The following SIK3 variants were observed in gnomAD, a reference collection of about 807,000 sequenced individuals.
SIK3 encodes the protein serine/threonine-protein kinase SIK3.
In SIK3, 28 loss-of-function variants were observed where a neutral mutation model predicts 144.2. The ratio of observed to expected loss-of-function variants is 0.19; its 90% CI spans 0.14 to 0.27. The LOEUF is 0.27. SIK3 is among the 10% of genes least tolerant of loss of function. The pLI is 1.00. For synonymous variants in SIK3, 686 were observed against 676.3 expected, an observed-to-expected ratio of 1.01 and a Z score of -0.22; for missense variants, 1,319 against 1,776.0, an observed-to-expected ratio of 0.74 and a Z score of 4.62.
At chr11:117,069,740 T>C (rs761371195) in intron 1 of SIK3, among the ~76,000 whole-genome samples, 2 of 152,186 alleles carry the variant, frequency 1.3e-5, no homozygotes, top group Admixed American at 6.5e-5. Context: ...ATATTGAAGT[T>C]TGCCATTACC....
chr11:116,847,756 G>T, intron 22 of SIK3, 148 bp from the exon 23 acceptor site: 1 of 894,528 alleles, frequency 1.1e-6, no homozygotes, highest in Non-Finnish European at 1.7e-6. Context: ...ACCACCCAAA[G>T]GGGGTGCTCC....
intron 3 of SIK3, among the ~76,000 whole-genome samples, chr11:116,948,170 T>C (rs959916582): frequency 2.0e-5 from 3 of 150,952 alleles, no homozygotes; most frequent in Admixed American, 6.6e-5. Context: ...ACTCCTGAGG[T>C]CAAGCAATCC....
chr11:116,975,756 C>A (rs1949927789), intron 1 of SIK3, among the ~76,000 whole-genome samples: 1 of 152,174 alleles, frequency 6.6e-6, no homozygotes, highest in African/African-American at 2.4e-5. Flanking sequence ...GGTAATTCCA[C>A]TTTTAACATT....
In SIK3 at chr11:116,849,035, G is replaced by T; in HGVS notation, c.3819+85C>A. ...AATGCTGACTGAGGAGAGCGGCCAAGAGAGGCTACCCCACATCACTATACT... is the reference window on the plus strand; with the variant it reads ...AATGCTGACTGAGGAGAGCGGCCAATAGAGGCTACCCCACATCACTATACT... On this transcript the variant is annotated intron_variant, in intron 22 of 24. Coordinates refer to ENST00000445177, the MANE Select transcript of SIK3 (RefSeq NM_001366686.3). The surrounding 1 kb of genome is among the most constrained non-coding windows in gnomAD (Gnocchi z 4.2). 1 of 1,424,684 alleles carries T rather than the reference G, an allele frequency of 7.0e-7. No individual in the cohort carries two copies. The highest frequency in any genetic ancestry group is 2.5e-5 in the East Asian group (1 of 40,612). The allele number at this position is 1,424,684 out of a possible 1,614,324, so 88.3% of individuals were successfully genotyped here. A position where few individuals can be genotyped will look rare whatever the true frequency, so the allele number is the denominator to read the frequency against.
chr11:116,865,794 C>T (rs183812705), intron 15 of SIK3, among the ~76,000 whole-genome samples: 7 of 152,226 alleles, frequency 4.6e-5, no homozygotes, highest in Admixed American at 2.0e-4. Flanking sequence ...GCAGGCCACC[C>T]GTATTCCATG....
intron 1 of SIK3, among the ~76,000 whole-genome samples, chr11:117,057,373 A>T (rs1428944442): frequency 6.6e-6 from 1 of 152,236 alleles, no homozygotes; most frequent in East Asian, 1.9e-4. Flanking sequence ...TTTTGAAATA[A>T]GTACAGGCAC....
At chr11:116,927,139 G>C in intron 4 of SIK3, 80 bp downstream of exon 4, 1 of 1,001,958 alleles carries the variant, frequency 1.0e-6, no homozygotes, top group South Asian at 2.0e-5. Flanking sequence ...TGAAGAGATG[G>C]AAACAGATAA....
intron 1 of SIK3, among the ~76,000 whole-genome samples, chr11:117,008,502 T>C (rs544918102): frequency 3.9e-5 from 6 of 152,194 alleles, no homozygotes; most frequent in Admixed American, 6.5e-5. Flanking sequence ...TACAAAAATA[T>C]CAACTCGAAT....
At chr11:117,043,934 T>G (rs1419636773) in intron 1 of SIK3, among the ~76,000 whole-genome samples, 4 of 152,242 alleles carry the variant, frequency 2.6e-5, no homozygotes, top group Non-Finnish European at 5.9e-5. Flanking sequence ...TGAAGGCTAC[T>G]GCCCCAGTAT....
chr11:116,931,605 A>G lies in SIK3; in HGVS notation c.455-4225T>C, dbSNP rs1947605698. ...CCACATTTCAGTGAAGAATGAACCC[A>G]GCCTAGAAAAGGGAAAAGGCAGTAT... is the stretch of plus-strand genomic sequence containing the variant. On this transcript the variant is annotated intron_variant, in intron 3 of 24. Coordinates refer to ENST00000445177, the MANE Select transcript of SIK3 (RefSeq NM_001366686.3). Among the ~76,000 whole-genome samples the G allele has an allele frequency of 2.0e-5, 3 of 152,214 alleles. No homozygotes were observed. The East Asian group carries it at 5.8e-4, about 29-fold the overall frequency.
chr11:116,862,108 C>G, intron 17 of SIK3, 94 bp downstream of exon 17: 5 of 1,570,816 alleles, frequency 3.2e-6, no homozygotes, highest in Non-Finnish European at 4.4e-6. Flanking sequence ...CTCAAATCCA[C>G]TTTGCACTGA....
chr11:117,078,072 G>C (rs1203631288), intron 1 of SIK3, among the ~76,000 whole-genome samples: 1 of 152,188 alleles, frequency 6.6e-6, no homozygotes, highest in Admixed American at 6.5e-5. Context: ...TGCAAAGAAA[G>C]CAAGGATTTT....
chr11:116,880,391 T>TA (rs1944484538), intron 6 of SIK3, among the ~76,000 whole-genome samples: 1 of 151,986 alleles, frequency 6.6e-6, no homozygotes, highest in African/African-American at 2.4e-5. Context: ...GAAGCCTGCA[T>TA]AGATCCCCCA....
At chr11:116,911,490 C>T (rs535265579) in intron 4 of SIK3, among the ~76,000 whole-genome samples, 2 of 151,202 alleles carry the variant, frequency 1.3e-5, no homozygotes, top group East Asian at 3.9e-4. Flanking sequence ...CTGGGCAAGA[C>T]AGAGCCAGAC....
rs12279690 is a variant in SIK3 at position 116,973,064 on chromosome 11, G to A, written c.274-16000C>T. 3.5e-3 allele frequency among the ~76,000 whole-genome samples: 530 copies of A among 152,224 alleles called. 5 individuals are homozygous for A. The highest frequency in any genetic ancestry group is 0.012 in the African/African-American group (511 of 41,538). On this transcript the variant is annotated intron_variant, in intron 1 of 24. Transcript: ENST00000445177. Reference sequence around the variant, plus strand: ...TTCTACCAACTACCTGAACGATCTCGTAAGTAACTACTTTCCCAGTTAAGC... The same window carrying A: ...TTCTACCAACTACCTGAACGATCTCATAAGTAACTACTTTCCCAGTTAAGC...
At chr11:116,982,698 G>A (rs1950187097) in intron 1 of SIK3, among the ~76,000 whole-genome samples, 1 of 151,906 alleles carries the variant, frequency 6.6e-6, no homozygotes, top group Non-Finnish European at 1.5e-5. Flanking sequence ...GCTCACACCT[G>A]TAATCCCAGC....
chr11:116,977,985 G>A lies in SIK3; in HGVS notation c.274-20921C>T, dbSNP rs1456836813. Among the ~76,000 whole-genome samples, 3 of 152,160 alleles carry A rather than the reference G, an allele frequency of 2.0e-5. No individual in the cohort carries two copies. The East Asian group carries it at 5.8e-4, about 29-fold the overall frequency. On this transcript the variant is annotated intron_variant, in intron 1 of 24. Coordinates refer to ENST00000445177, the MANE Select transcript of SIK3 (RefSeq NM_001366686.3). ...TGTAATCCCAGCACTTTGGGAGGCCGAGGCGGGTGGATCACGAGGTCAGGA... is the reference window on the plus strand; with the variant it reads ...TGTAATCCCAGCACTTTGGGAGGCCAAGGCGGGTGGATCACGAGGTCAGGA...
At chr11:116,876,593 A>G (rs980184835) in intron 7 of SIK3, among the ~76,000 whole-genome samples, 5 of 152,222 alleles carry the variant, frequency 3.3e-5, no homozygotes, top group Non-Finnish European at 7.3e-5. Context: ...AAATAAAAGC[A>G]TGCTACAGAA....
At chr11:116,874,088 G>A (rs376801131) in intron 11 of SIK3, 32 bp from the exon 12 acceptor site, 1 of 1,610,968 alleles carries the variant, frequency 6.2e-7, no homozygotes, top group Non-Finnish European at 8.5e-7. Flanking sequence ...GAGAAGTTTA[G>A]TTAACATTCT....
Sources: gnomAD v4.1 joint callset for allele counts (sites outside exome capture counted in the v4.1 genomes callset) on GRCh38, gnomAD v4.1.1 for gene constraint, Gnocchi (gnomAD v3.1) non-coding constraint, MANE v1.5 for transcripts, NCBI Gene and HGNC (gene_info 2026-07-23, HGNC 2026-07-21) for gene names.